Variants in TNRC18 observed in about 807,000 individuals in gnomAD.
The protein encoded by TNRC18 is trinucleotide repeat-containing gene 18 protein.
TNRC18 carries 69 observed loss-of-function variants against 226.7 expected under a neutral mutation model. The observed-to-expected ratio is 0.30, with a 90% CI of 0.25 to 0.37. The LOEUF (loss-of-function observed/expected upper bound fraction) is 0.37. TNRC18 is among the 10% of genes least tolerant of loss of function. TNRC18 has a pLI of 1.00. For synonymous variants in TNRC18, 2,449 were observed against 1,927.6 expected (o/e 1.27, Z -7.09); for missense variants, 4,754 against 4,256.6 (o/e 1.12, Z -3.25).
intron 9 of TNRC18, 95 bp from the exon 10 acceptor site, chr7:5,374,579 G>T: frequency 7.7e-7 from 1 of 1,303,784 alleles, no homozygotes; most frequent in Non-Finnish European, 1.0e-6. Context: ...CCCCGAGTCC[G>T]AGGAGAACCT....
chr7:5,366,355 A>G (rs1793627585), intron 11 of TNRC18, among the ~76,000 whole-genome samples: 1 of 119,118 alleles, frequency 8.4e-6, no homozygotes, highest in Non-Finnish European at 1.6e-5. Context: ...GTGAGACAGA[A>G]TCTCACTCTG....
At chr7:5,379,953 G>A (rs896400430) in intron 5 of TNRC18, among the ~76,000 whole-genome samples, 4 of 152,154 alleles carry the variant, frequency 2.6e-5, no homozygotes, top group African/African-American at 9.7e-5. Context: ...GTCCAGCACC[G>A]CCAGCTGCAA....
In TNRC18 at chr7:5,394,593, C is replaced by G. The variant is rs1162267589; in HGVS notation, c.190G>C (p.Glu64Gln). The part of the protein sequence containing the change: ...AGLNLHPHPG[E>Q]AFLGSFVASG... ...GCCACAAAGCTGCCCAAGAAGGCCT[C>G]GCCTGCAGAGAGAAGTTGGGAGGAC... Residue 64 changes from glutamate (E) to glutamine (Q), a missense_variant and splice_region_variant, in exon 3 of 30, where the codon GAG becomes CAG. Glu to Gln is a conservative substitution (Grantham distance 29). Coordinates refer to ENST00000430969, the MANE Select transcript of TNRC18 (RefSeq NM_001080495.3). This position sits in a 1 kb window ranked among gnomAD's most constrained non-coding sequence, Gnocchi z 4.5. 6 of 1,544,360 alleles carry G rather than the reference C, an allele frequency of 3.9e-6. No individual in the cohort carries two copies. Among genetic ancestry groups the G allele is most frequent in the Middle Eastern group, 1.9e-4 (1 of 5,334 alleles).
At chr7:5,362,320 G>A (rs555616201) in intron 12 of TNRC18, among the ~76,000 whole-genome samples, 63 of 152,292 alleles carry the variant, frequency 4.1e-4, no homozygotes, top group Non-Finnish European at 7.1e-4. Flanking sequence ...ATTTATAAAC[G>A]GAAGGCTCAG....
chr7:5,315,395 A>AGG (rs1252533672), intron 25 of TNRC18, among the ~76,000 whole-genome samples: 1 of 150,536 alleles, frequency 6.6e-6, no homozygotes, highest in Non-Finnish European at 1.5e-5. Flanking sequence ...ACAGGTGGAT[A>AGG]AAGATGCTGA....
rs564689644 is a variant in TNRC18 at position 5,333,086 on chromosome 7, G to C, written c.5720-37C>G. On this transcript the variant is annotated intron_variant, in intron 18 of 29. Transcript: ENST00000430969. Reference sequence around the variant, plus strand: ...AGGAGGGCGTGCTGGTCACAGCCTCGTGGGGACCCCTTCCCTCCCACCCAG... The same window carrying C: ...AGGAGGGCGTGCTGGTCACAGCCTCCTGGGGACCCCTTCCCTCCCACCCAG... 24 of 1,540,974 alleles carry C rather than the reference G, an allele frequency of 1.6e-5. No homozygotes were observed. In the African/African-American group the frequency reaches 3.1e-4, roughly 20 times the overall value.
chr7:5,341,387 C>T (rs538999817), intron 18 of TNRC18, among the ~76,000 whole-genome samples: 6 of 145,998 alleles, frequency 4.1e-5, no homozygotes, highest in Non-Finnish European at 8.9e-5. Context: ...CCACTGCACT[C>T]CAGCCTGGGC....
chr7:5,387,544 A>T, intron 5 of TNRC18, 128 bp downstream of exon 5: 1 of 1,340,430 alleles, frequency 7.5e-7, no homozygotes, highest in Non-Finnish European at 1.0e-6. Context: ...AACATTCAAG[A>T]CCATTTTAAA....
intron 9 of TNRC18, among the ~76,000 whole-genome samples, chr7:5,374,710 G>T (rs948336463): frequency 6.6e-6 from 1 of 152,224 alleles, no homozygotes; most frequent in Non-Finnish European, 1.5e-5. Context: ...AGCGCTGGGG[G>T]TGAGGAGCTC....
At chr7:5,375,765 C>G (rs1008548021) in intron 9 of TNRC18, among the ~76,000 whole-genome samples, 4 of 152,200 alleles carry the variant, frequency 2.6e-5, no homozygotes, top group African/African-American at 9.6e-5. Flanking sequence ...GGCCACCTCT[C>G]TGCCTTGGTT....
chr7:5,343,210 C>A (rs560003971), intron 18 of TNRC18, among the ~76,000 whole-genome samples: 1 of 151,106 alleles, frequency 6.6e-6, no homozygotes, highest in Admixed American at 6.7e-5. Context: ...AAAAATTAGC[C>A]AGGCGTGGTG....
At chr7:5,346,601 G>A (rs888823138) in intron 17 of TNRC18, among the ~76,000 whole-genome samples, 8 of 152,174 alleles carry the variant, frequency 5.3e-5, no homozygotes, top group African/African-American at 1.9e-4. Context: ...TTGAGCCCAG[G>A]AGTTCCAGAC....
intron 2 of TNRC18, among the ~76,000 whole-genome samples, chr7:5,413,469 A>G (rs59512638): frequency 0.011 from 1,736 of 151,980 alleles, 45 homozygotes; most frequent in African/African-American, 0.04. Context: ...AACACCTCCT[A>G]ATTACCTCCT....
intron 2 of TNRC18, among the ~76,000 whole-genome samples, chr7:5,395,786 T>TA (rs1780636384): frequency 6.6e-6 from 1 of 152,068 alleles, no homozygotes; most frequent in African/African-American, 2.4e-5. Flanking sequence ...GGTCAGGAGT[T>TA]AGAGACCAGC....
chr7:5,346,164 G>C (rs1487638382), intron 17 of TNRC18, among the ~76,000 whole-genome samples: 3 of 152,248 alleles, frequency 2.0e-5, no homozygotes, highest in African/African-American at 7.2e-5. Flanking sequence ...ACGCGCACAC[G>C]CCCCAACACA....
rs76366314 is a variant in TNRC18 at position 5,373,201 on chromosome 7, A to G, written c.3229+854T>C. Among the ~76,000 whole-genome samples, 127 of 152,230 alleles carry G rather than the reference A, an allele frequency of 8.3e-4. 2 individuals are homozygous for G. In the East Asian group the frequency reaches 0.021, roughly 26 times the overall value. Reference sequence around the variant, plus strand: ...TAGCCAAGTCCAGTGATGCGTGCCTATGGTCCCAGCTGCTTGAGAGGCTGA... The same window carrying G: ...TAGCCAAGTCCAGTGATGCGTGCCTGTGGTCCCAGCTGCTTGAGAGGCTGA... On this transcript the variant is annotated intron_variant, in intron 10 of 29. Transcript: ENST00000430969.
chr7:5,336,819 A>C (rs1790158479), intron 18 of TNRC18, among the ~76,000 whole-genome samples: 1 of 152,238 alleles, frequency 6.6e-6, no homozygotes, highest in Non-Finnish European at 1.5e-5. Flanking sequence ...CTAAGAGCTG[A>C]ATGGATATGA....
At chr7:5,381,734 G>A (rs1481090908) in intron 5 of TNRC18, among the ~76,000 whole-genome samples, 1 of 152,234 alleles carries the variant, frequency 6.6e-6, no homozygotes, top group Non-Finnish European at 1.5e-5. Flanking sequence ...GGGAGGCCAA[G>A]GTGGGCAGAC....
At position 5,324,309 on chromosome 7, in the gene TNRC18, G is replaced by A; in HGVS notation, c.6347C>T (p.Ala2116Val). 6.2e-7 allele frequency: 1 copy of A among 1,613,606 alleles called. No individual in the cohort carries two copies. Among genetic ancestry groups the A allele is most frequent in the South Asian group, 1.1e-5 (1 of 91,076 alleles). ...GAVSKLMESM[A>V]AEEDFEPNQD... ...GTTGGGTTCAAAGTCCTCCTCGGCT[G>A]CCATGCTCTCCATCAGCTTGCTCAC... The change falls in exon 21 of 30, where the codon GCA (alanine) becomes GTA (valine). Residue 2116 changes from alanine to valine, a missense_variant. By Grantham distance (64) the Ala-to-Val change is moderately conservative (BLOSUM62 0). Transcript: ENST00000430969. This position sits in a 1 kb window ranked among gnomAD's most constrained non-coding sequence, Gnocchi z 4.8.
Sources: allele counts gnomAD v4.1 joint callset (sites outside exome capture counted in the v4.1 genomes callset), GRCh38; gene constraint gnomAD v4.1.1; non-coding constraint Gnocchi (gnomAD v3.1); transcripts MANE v1.5; gene names NCBI Gene and HGNC (gene_info 2026-07-23, HGNC 2026-07-21).